The following GFRAL variants were observed in gnomAD, a reference collection of about 807,000 sequenced individuals.
The protein encoded by GFRAL is GDNF family receptor alpha-like.
A neutral mutation model predicts 45.4 loss-of-function variants in GFRAL; 36 were observed. The ratio of observed to expected loss-of-function variants is 0.79; its 90% CI spans 0.61 to 1.05. The LOEUF is 1.05. Ranked by LOEUF, GFRAL falls within the 50% of genes least tolerant of loss-of-function variation. GFRAL has a pLI of 0.00. For missense variants in GFRAL, 507 were observed against 467.5 expected, an observed-to-expected ratio of 1.08 and a Z score of -0.78; for synonymous variants, 166 against 154.1, an observed-to-expected ratio of 1.08 and a Z score of -0.57.
intron 4 of GFRAL, among the ~76,000 whole-genome samples, 194 bp downstream of exon 4, chr6:55,350,339 A>G (rs577681304): frequency 5.3e-5 from 8 of 152,092 alleles, no homozygotes; most frequent in Non-Finnish European, 8.8e-5. Flanking sequence ...TTGCCCATCC[A>G]TTATCAATTT....
intron 1 of GFRAL, 80 bp downstream of exon 1, chr6:55,327,656 C>G: frequency 7.6e-7 from 1 of 1,308,522 alleles, no homozygotes; most frequent in East Asian, 2.3e-5. Flanking sequence ...CACACTTAAG[C>G]TTAACAGGGG....
chr6:55,390,705 T>C lies in GFRAL; in HGVS notation c.953-8475T>C, dbSNP rs551682048. On this transcript the variant is annotated intron_variant, in intron 6 of 8. Coordinates refer to ENST00000340465, the MANE Select transcript of GFRAL (RefSeq NM_207410.2). ...CAGTTTGAGACCAGCCTGACCAACA[T>C]GGTGAAACCCCGTCTCTACTAAAAA... Among the ~76,000 whole-genome samples the C allele has an allele frequency of 1.7e-3, 252 of 151,978 alleles. 3 individuals are homozygous for C. Among genetic ancestry groups the C allele is most frequent in the Non-Finnish European group, 2.9e-3 (196 of 67,964 alleles).
intron 6 of GFRAL, among the ~76,000 whole-genome samples, chr6:55,385,034 C>T (rs934174235): frequency 1.3e-5 from 2 of 152,010 alleles, no homozygotes; most frequent in Non-Finnish European, 1.5e-5. Context: ...GCTGTCACTT[C>T]TGATGGAAAG....
intron 6 of GFRAL, among the ~76,000 whole-genome samples, chr6:55,363,434 CT>C (rs36074077): frequency 0.2 from 29,439 of 147,114 alleles, 3,050 homozygotes; most frequent in African/African-American, 0.26. Context: ...TAGCTTAATT[CT>C]TTTTTTTTTT....
chr6:55,385,914 A>G (rs550807446), intron 6 of GFRAL, among the ~76,000 whole-genome samples: 39 of 152,224 alleles, frequency 2.6e-4, no homozygotes, highest in Admixed American at 2.1e-3. Context: ...CTCTGATATT[A>G]GATGTGTTCT....
At chr6:55,382,718 G>C (rs557115813) in intron 6 of GFRAL, among the ~76,000 whole-genome samples, 5 of 151,758 alleles carry the variant, frequency 3.3e-5, no homozygotes, top group Non-Finnish European at 7.4e-5. Context: ...AATGTGTCTG[G>C]GTTCAAATAA....
At chr6:55,351,940 T>C (rs2127355477) in intron 5 of GFRAL, among the ~76,000 whole-genome samples, 1 of 152,244 alleles carries the variant, frequency 6.6e-6, no homozygotes, top group East Asian at 1.9e-4. Flanking sequence ...TGTAAGGCTG[T>C]TACAAATTTA....
intron 2 of GFRAL, 49 bp downstream of exon 2, chr6:55,331,898 T>C: frequency 1.3e-6 from 2 of 1,530,948 alleles, no homozygotes; most frequent in South Asian, 2.4e-5. Context: ...TTTACTAAGA[T>C]AAAAACAGGA....
rs1418790348 is a variant in GFRAL, at chr6:55,362,469, TG to T, written c.952+3332del. Among the ~76,000 whole-genome samples the T allele has an allele frequency of 5.3e-5, 8 of 152,100 alleles. No individual in the cohort carries two copies. In the East Asian group the frequency reaches 1.6e-3, roughly 29 times the overall value. On this transcript the variant is annotated intron_variant, in intron 6 of 8. Coordinates refer to ENST00000340465, the MANE Select transcript of GFRAL (RefSeq NM_207410.2). ...GCAGAAGAGCATCCTGAACAAACCA[TG>T]TATTCTGTCACCAACCTCCACTTAC...
chr6:55,342,089 G>A (rs563097475), intron 3 of GFRAL, among the ~76,000 whole-genome samples: 35 of 152,304 alleles, frequency 2.3e-4, no homozygotes, highest in Non-Finnish European at 4.0e-4. Context: ...AACCAAGTTG[G>A]AAAACACTCT....
intron 6 of GFRAL, among the ~76,000 whole-genome samples, chr6:55,375,381 A>G (rs1010979578): frequency 1.3e-5 from 2 of 152,048 alleles, no homozygotes; most frequent in Admixed American, 6.6e-5. Flanking sequence ...TTCTTTTTGT[A>G]GCAGTTGTAA....
At position 55,331,763 on chromosome 6, in the gene GFRAL, G is replaced by T; in HGVS notation, c.71G>T (p.Cys24Phe). 6.2e-7 allele frequency: 1 copy of T among 1,611,190 alleles called. No homozygotes were observed. The highest frequency in any genetic ancestry group is 8.5e-7 in the Non-Finnish European group (1 of 1,178,716). ...ENEYTSQTNN[C>F]TYLREQCLRD... Reference sequence around the variant, plus strand: ...GAATACACTTCCCAAACCAATAATTGCACATATTTAAGAGAGCAATGCTTA... The same window carrying T: ...GAATACACTTCCCAAACCAATAATTTCACATATTTAAGAGAGCAATGCTTA... Residue 24 changes from cysteine to phenylalanine, a missense_variant, in exon 2 of 9, where the codon TGC becomes TTC. By Grantham distance (205) the Cys-to-Phe change is radical. Coordinates refer to ENST00000340465, the MANE Select transcript of GFRAL (RefSeq NM_207410.2).
chr6:55,382,447 T>C (rs1768623172), intron 6 of GFRAL, among the ~76,000 whole-genome samples: 1 of 152,008 alleles, frequency 6.6e-6, no homozygotes, highest in Non-Finnish European at 1.5e-5. Flanking sequence ...GGTTTTATGC[T>C]ATTTAATATA....
intron 3 of GFRAL, among the ~76,000 whole-genome samples, chr6:55,340,492 G>A (rs1270280729): frequency 1.3e-5 from 2 of 152,088 alleles, no homozygotes; most frequent in African/African-American, 4.8e-5. Flanking sequence ...AAACCCTGGA[G>A]AATATAAAGA....
chr6:55,385,243 G>A (rs903295948), intron 6 of GFRAL, among the ~76,000 whole-genome samples: 3 of 151,990 alleles, frequency 2.0e-5, no homozygotes, highest in African/African-American at 7.2e-5. Flanking sequence ...GGATCTGCTT[G>A]CCACTTTATC....
At chr6:55,372,137 C>T (rs1768459409) in intron 6 of GFRAL, among the ~76,000 whole-genome samples, 1 of 152,180 alleles carries the variant, frequency 6.6e-6, no homozygotes, top group South Asian at 2.1e-4. Flanking sequence ...ATATACTCCC[C>T]TCACACCTTA....
intron 6 of GFRAL, among the ~76,000 whole-genome samples, chr6:55,372,531 C>G (rs79678752): frequency 6.6e-6 from 1 of 152,302 alleles, no homozygotes; most frequent in Admixed American, 6.5e-5. Context: ...TAGCCTCTTT[C>G]CTACATGCAG....
intron 6 of GFRAL, among the ~76,000 whole-genome samples, chr6:55,361,006 T>G (rs959915244): frequency 8.6e-5 from 13 of 152,002 alleles, no homozygotes; most frequent in African/African-American, 3.1e-4. Flanking sequence ...TGTGTTCAAT[T>G]TTCATAGTGT....
At position 55,327,483 on chromosome 6, in the gene GFRAL, T is replaced by A; in HGVS notation, c.-72T>A. 1 of 1,533,960 alleles carries A rather than the reference T, an allele frequency of 6.5e-7. No individual in the cohort carries two copies. On this transcript the variant is annotated 5_prime_UTR_variant, in exon 1 of 9. Coordinates refer to ENST00000340465, the MANE Select transcript of GFRAL (RefSeq NM_207410.2). ...AGGCTGAAGCCTTATTCTGGACAGTTACTCTTAAGAAAGTTGTCAGAAGAA... is the reference window on the plus strand; with the variant it reads ...AGGCTGAAGCCTTATTCTGGACAGTAACTCTTAAGAAAGTTGTCAGAAGAA...
Sources: gnomAD v4.1 joint callset for allele counts (sites outside exome capture counted in the v4.1 genomes callset) on GRCh38, gnomAD v4.1.1 for gene constraint, MANE v1.5 for transcripts, NCBI Gene and HGNC (gene_info 2026-07-23, HGNC 2026-07-21) for gene names.